Variants in COP1 observed in about 807,000 individuals in gnomAD.
COP1 encodes the protein COP1 E3 ubiquitin ligase.
Under a neutral mutation model 101.3 loss-of-function variants are expected in COP1, and 24 were observed. The ratio of observed to expected loss-of-function variants is 0.24; its 90% CI spans 0.17 to 0.33. COP1 has a LOEUF of 0.33. Among genes scored for constraint, COP1 ranks in the 10% least tolerant of loss-of-function variants. The probability of loss-of-function intolerance (pLI) is 1.00; values close to 1 mark genes in which losing one functional copy is unlikely to be tolerated. For synonymous variants in COP1, 347 were observed against 341.9 expected (o/e 1.01, Z -0.17); for missense variants, 663 against 906.2 (o/e 0.73, Z 3.45).
chr1:176,117,042 C>T (rs1308082296), intron 8 of COP1, among the ~76,000 whole-genome samples: 1 of 152,140 alleles, frequency 6.6e-6, no homozygotes, highest in African/African-American at 2.4e-5. Context: ...AGAGCACAAG[C>T]ATGCAATCAA....
intron 11 of COP1, among the ~76,000 whole-genome samples, 184 bp from the exon 12 acceptor site, chr1:176,046,508 A>T (rs1293910144): frequency 7.9e-5 from 12 of 151,608 alleles, no homozygotes; most frequent in Non-Finnish European, 4.4e-5. Context: ...GTAATATAAA[A>T]CTTTTAATAT....
At chr1:176,004,291 C>G (rs1317247106) in intron 15 of COP1, among the ~76,000 whole-genome samples, 1 of 145,790 alleles carries the variant, frequency 6.9e-6, no homozygotes. Context: ...ATCATGTCAT[C>G]TGCAAACAGG....
At chr1:176,144,654 G>C (rs1031491404) in intron 6 of COP1, among the ~76,000 whole-genome samples, 1 of 152,112 alleles carries the variant, frequency 6.6e-6, no homozygotes, top group Admixed American at 6.6e-5. Flanking sequence ...CAAAGCTCTA[G>C]TATTTAATAC....
At chr1:176,162,415 G>C (rs1230741730) in intron 5 of COP1, among the ~76,000 whole-genome samples, 1 of 152,068 alleles carries the variant, frequency 6.6e-6, no homozygotes, top group East Asian at 1.9e-4. Context: ...ATTTAGTACA[G>C]ATCTCTTTAA....
At chr1:176,046,747 T>C (rs1453718379) in intron 11 of COP1, among the ~76,000 whole-genome samples, 3 of 152,038 alleles carry the variant, frequency 2.0e-5, no homozygotes, top group Admixed American at 2.0e-4. Context: ...TTTCACAATA[T>C]TAAATTTTAT....
At chr1:176,103,170 TG>T (rs1683700150) in intron 9 of COP1, among the ~76,000 whole-genome samples, 2 of 152,162 alleles carry the variant, frequency 1.3e-5, no homozygotes, top group Non-Finnish European at 2.9e-5. Context: ...CTAAAATCCT[TG>T]GAGTTTCCTG....
At chr1:176,109,049 T>G (rs1368198132) in intron 9 of COP1, among the ~76,000 whole-genome samples, 1 of 151,850 alleles carries the variant, frequency 6.6e-6, no homozygotes, top group African/African-American at 2.4e-5. Context: ...GAGGTGGAGG[T>G]TGCAGTGAGC....
At chr1:176,085,731 C>T (rs781548981) in intron 10 of COP1, 45 bp downstream of exon 10, 1 of 1,177,800 alleles carries the variant, frequency 8.5e-7, no homozygotes, top group South Asian at 1.5e-5. Flanking sequence ...AGAAACAGAT[C>T]TGAAATGTAG....
intron 8 of COP1, among the ~76,000 whole-genome samples, chr1:176,124,323 G>A (rs1687654566): frequency 2.0e-5 from 3 of 151,354 alleles, no homozygotes; most frequent in East Asian, 1.9e-4. Context: ...ATTGACTATA[G>A]TCACCCTGTT....
At chr1:176,194,481 T>C (rs1191701792) in intron 1 of COP1, among the ~76,000 whole-genome samples, 2 of 151,182 alleles carry the variant, frequency 1.3e-5, no homozygotes, top group Admixed American at 6.6e-5. Context: ...CTACGAAAAA[T>C]ACAAAAATTA....
chr1:176,113,951 T>TA (rs1027316773), intron 9 of COP1, among the ~76,000 whole-genome samples: 1 of 151,366 alleles, frequency 6.6e-6, no homozygotes, highest in Non-Finnish European at 1.5e-5. Context: ...TAGGGTTTTT[T>TA]TTTTTTTTTA....
intron 1 of COP1, among the ~76,000 whole-genome samples, chr1:176,197,921 A>C (rs1699867948): frequency 6.6e-6 from 1 of 152,230 alleles, no homozygotes; most frequent in Non-Finnish European, 1.5e-5. Context: ...CATCAAAAAC[A>C]TAAAATACTT....
At position 176,206,660 on chromosome 1, in the gene COP1, C is replaced by G. The variant is rs1558317506; in HGVS notation, c.319G>C (p.Gly107Arg). The change falls in exon 1 of 20, where the codon GGC (glycine) becomes CGC (arginine). Residue 107 changes from glycine (G) to arginine (R), a missense_variant. Gly to Arg is a moderately radical substitution (Grantham distance 125). Coordinates refer to ENST00000367669, the MANE Select transcript of COP1 (RefSeq NM_022457.7). The stretch of plus-strand genomic sequence containing the variant: ...AGAGGTCGCTTCCTGCTGCCGCTGC[C>G]TAGGCTGGAGCTGCTGCCTCCTACG... Reference protein sequence around the residue: ...AGVGGSSSSLGSGSRKRPLLA... With the variant: ...AGVGGSSSSLRSGSRKRPLLA... 1.2e-6 allele frequency: 2 copies of G among 1,611,236 alleles called. No individual in the cohort carries two copies. Among genetic ancestry groups the G allele is most frequent in the Non-Finnish European group, 1.7e-6 (2 of 1,179,948 alleles).
chr1:176,065,841 G>T (rs1207872496), intron 11 of COP1, among the ~76,000 whole-genome samples: 1 of 151,656 alleles, frequency 6.6e-6, no homozygotes, highest in Non-Finnish European at 1.5e-5. Flanking sequence ...CTGAGTAGCT[G>T]GGATTACAGG....
intron 5 of COP1, among the ~76,000 whole-genome samples, chr1:176,151,332 AAAG>A (rs1446891392): frequency 2.1e-5 from 3 of 145,032 alleles, no homozygotes; most frequent in African/African-American, 5.4e-5. Flanking sequence ...GGAAAGAAAG[AAAG>A]AAGGAAGGAA....
At position 175,988,328 on chromosome 1, in the gene COP1, G is replaced by A. The variant is rs367622905; in HGVS notation, c.1932C>T (p.Asn644=). 6.2e-7 allele frequency: 1 copy of A among 1,612,272 alleles called. No individual in the cohort carries two copies. The highest frequency in any genetic ancestry group is 8.5e-7 in the Non-Finnish European group (1 of 1,178,696). The change falls in exon 17 of 20, where the codon AAC becomes AAT. Residue 644 remains asparagine (N), a synonymous_variant. Coordinates refer to ENST00000367669, the MANE Select transcript of COP1 (RefSeq NM_022457.7). ...CTCCATTGGAAGCCAGGCCTACAAA[G>A]TTTTTTTCATTGATATGACCCTTGA... ...RSFKGHINEK[N]FVGLASNGDY...
intron 18 of COP1, among the ~76,000 whole-genome samples, chr1:175,950,876 C>T (rs1207718347): frequency 7.2e-5 from 11 of 151,778 alleles, no homozygotes; most frequent in Non-Finnish European, 1.5e-4. Context: ...CACACGTAGG[C>T]TAGTGAAGAA....
intron 15 of COP1, among the ~76,000 whole-genome samples, chr1:175,995,394 T>G (rs1389028830): frequency 6.6e-6 from 1 of 151,784 alleles, no homozygotes; most frequent in Non-Finnish European, 1.5e-5. Flanking sequence ...ATAATTAAAA[T>G]CAGAGCAGAA....
At chr1:176,204,539 G>A (rs1700624707) in intron 1 of COP1, among the ~76,000 whole-genome samples, 1 of 152,134 alleles carries the variant, frequency 6.6e-6, no homozygotes, top group African/African-American at 2.4e-5. Context: ...AACCTGGCTT[G>A]AGTTTTAAAT....
Sources: gnomAD v4.1 joint callset for allele counts (sites outside exome capture counted in the v4.1 genomes callset) on GRCh38, gnomAD v4.1.1 for gene constraint, MANE v1.5 for transcripts, NCBI Gene and HGNC (gene_info 2026-07-23, HGNC 2026-07-21) for gene names.